The following KIAA1217 variants were observed in gnomAD, a reference collection of about 807,000 sequenced individuals.
The protein encoded by KIAA1217 is KIAA1217, also known as sickle tail protein homolog.
In KIAA1217, 88 loss-of-function variants were observed where a neutral mutation model predicts 163.9. The observed-to-expected ratio is 0.54, with a 90% confidence interval of 0.45 to 0.64. The LOEUF is 0.64. Ranked by LOEUF, KIAA1217 falls within the 30% of genes least tolerant of loss-of-function variation. KIAA1217 has a pLI of 0.00. For synonymous variants in KIAA1217, 903 were observed against 923.1 expected (o/e 0.98, Z 0.39); for missense variants, 2,372 against 2,475.0 (o/e 0.96, Z 0.88).
chr10:24,374,646 G>A (rs1446107279), intron 2 of KIAA1217, among the ~76,000 whole-genome samples: 1 of 152,164 alleles, frequency 6.6e-6, no homozygotes, highest in Non-Finnish European at 1.5e-5. Flanking sequence ...CTATTACCCA[G>A]AGTGATCATA....
chr10:23,978,947 T>C (rs758257752), intron 1 of KIAA1217, among the ~76,000 whole-genome samples: 1 of 152,150 alleles, frequency 6.6e-6, no homozygotes, highest in Non-Finnish European at 1.5e-5. Flanking sequence ...GAATGTATTT[T>C]CTTTGAATTA....
chr10:23,973,596 A>G (rs1258974188), intron 1 of KIAA1217, among the ~76,000 whole-genome samples: 1 of 152,250 alleles, frequency 6.6e-6, no homozygotes, highest in Non-Finnish European at 1.5e-5. Context: ...GATAAAAGAC[A>G]TTATTTGCCC....
chr10:23,780,340 G>T (rs1835200226), intron 1 of KIAA1217, among the ~76,000 whole-genome samples: 1 of 152,028 alleles, frequency 6.6e-6, no homozygotes. Flanking sequence ...TTAACTACAG[G>T]CTTCATACTG....
chr10:24,307,621 A>T (rs2042150844), intron 2 of KIAA1217, among the ~76,000 whole-genome samples: 1 of 152,010 alleles, frequency 6.6e-6, no homozygotes, highest in Non-Finnish European at 1.5e-5. Flanking sequence ...CCAAAAAAAA[A>T]AAAAAAAATA....
At chr10:23,764,758 C>A (rs2130865051) in intron 1 of KIAA1217, among the ~76,000 whole-genome samples, 1 of 151,998 alleles carries the variant, frequency 6.6e-6, no homozygotes, top group South Asian at 2.1e-4. Flanking sequence ...AACACATGGG[C>A]ACAGGGAGGG....
At chr10:24,479,122 T>C (rs560291055) in intron 6 of KIAA1217, among the ~76,000 whole-genome samples, 14 of 152,334 alleles carry the variant, frequency 9.2e-5, no homozygotes, top group Admixed American at 3.3e-4. Context: ...TATTATGATT[T>C]TTGAGGCATG....
intron 2 of KIAA1217, among the ~76,000 whole-genome samples, chr10:24,188,386 C>A (rs2066541178): frequency 6.6e-6 from 1 of 152,152 alleles, no homozygotes; most frequent in South Asian, 2.1e-4. Flanking sequence ...TACTTTCTGT[C>A]ATGCCCCTGG....
chr10:23,847,512 A>T (rs922299878), intron 1 of KIAA1217, among the ~76,000 whole-genome samples: 2 of 152,076 alleles, frequency 1.3e-5, no homozygotes, highest in African/African-American at 4.8e-5. Context: ...GTTTATTTGC[A>T]TAGAGGTGTT....
At chr10:24,521,048 T>G (rs1246564490) in intron 11 of KIAA1217, among the ~76,000 whole-genome samples, 17 of 146,240 alleles carry the variant, frequency 1.2e-4, no homozygotes, top group South Asian at 8.7e-4. Context: ...AAAAGTTTTT[T>G]TTTTTTTTTT....
chr10:24,005,139 G>A (rs1041438570), intron 1 of KIAA1217, among the ~76,000 whole-genome samples: 14 of 152,324 alleles, frequency 9.2e-5, no homozygotes, highest in South Asian at 4.1e-4. Context: ...CACTTACAGC[G>A]TGATTTTGGA....
intron 1 of KIAA1217, among the ~76,000 whole-genome samples, chr10:23,895,660 G>A (rs1185215688): frequency 5.3e-5 from 8 of 152,078 alleles, no homozygotes; most frequent in African/African-American, 1.9e-4. Context: ...CCAAAGGACT[G>A]TAAATTATGC....
intron 3 of KIAA1217, among the ~76,000 whole-genome samples, chr10:24,422,471 T>G (rs926011098): frequency 7.9e-5 from 12 of 152,214 alleles, no homozygotes; most frequent in Admixed American, 7.9e-4. Context: ...TTGAGTAACC[T>G]TTGAGATGAA....
chr10:24,251,987 A>G (rs2074603354), intron 2 of KIAA1217, among the ~76,000 whole-genome samples: 1 of 152,066 alleles, frequency 6.6e-6, no homozygotes, highest in Non-Finnish European at 1.5e-5. Context: ...TGTTCAGGAC[A>G]TCGTAGCAGG....
intron 2 of KIAA1217, among the ~76,000 whole-genome samples, chr10:24,048,603 G>A (rs985844753): frequency 9.2e-5 from 14 of 151,950 alleles, no homozygotes; most frequent in Admixed American, 2.6e-4. Context: ...GGTGGCAGCC[G>A]CCTGTAATCC....
chr10:24,401,454 G>C (rs1328894181), intron 3 of KIAA1217, among the ~76,000 whole-genome samples: 4 of 152,024 alleles, frequency 2.6e-5, no homozygotes, highest in Admixed American at 1.3e-4. Context: ...AATTTATAAA[G>C]TAATCCACCA....
At chr10:23,976,434 A>T (rs1029417076) in intron 1 of KIAA1217, among the ~76,000 whole-genome samples, 1 of 152,194 alleles carries the variant, frequency 6.6e-6, no homozygotes, top group Admixed American at 6.5e-5. Context: ...AAAATATGAT[A>T]ATTTGTACCC....
intron 1 of KIAA1217, among the ~76,000 whole-genome samples, chr10:23,879,898 G>A (rs1320864253): frequency 6.6e-6 from 1 of 151,938 alleles, no homozygotes; most frequent in Non-Finnish European, 1.5e-5. Context: ...TGTGTATGCA[G>A]TGGAGGCTTT....
chr10:23,748,245 A>G (rs1369684234), intron 1 of KIAA1217, among the ~76,000 whole-genome samples: 2 of 151,928 alleles, frequency 1.3e-5, no homozygotes, highest in Admixed American at 1.3e-4. Flanking sequence ...CCTTTCCTTC[A>G]TCCTCCTCTT....
In KIAA1217 at chr10:23,695,208, G is replaced by A. The variant is rs998024491; in HGVS notation, c.-347G>A. The A allele has an allele frequency of 3.3e-5, 5 of 152,632 alleles. No homozygotes were observed. Among genetic ancestry groups the A allele is most frequent in the African/African-American group, 1.2e-4 (5 of 41,472 alleles). The allele number at this position is 152,632 out of a possible 1,614,324, so 9.5% of individuals were successfully genotyped here. On this transcript the variant is annotated 5_prime_UTR_variant, in exon 1 of 19. Coordinates refer to the KIAA1217 transcript ENST00000376462. This position sits in a 1 kb window ranked among gnomAD's most constrained non-coding sequence, Gnocchi z 4.9. ...GCTGCCAGTGGGAGAGCGAGGAGAG[G>A]CGAGGGGGCGGCAGCCTCGGCCCGA...
Sources: gnomAD v4.1 joint callset for allele counts (sites outside exome capture counted in the v4.1 genomes callset) on GRCh38, gnomAD v4.1.1 for gene constraint, Gnocchi (gnomAD v3.1) non-coding constraint, MANE v1.5 for transcripts, NCBI Gene and HGNC (gene_info 2026-07-23, HGNC 2026-07-21) for gene names.